Variants in THADA observed in about 807,000 individuals in gnomAD.
The protein encoded by THADA is THADA armadillo repeat containing.
In THADA, 213 loss-of-function variants were observed where a neutral mutation model predicts 219.8. The observed-to-expected ratio is 0.97, with a 90% CI of 0.87 to 1.09. The LOEUF (loss-of-function observed/expected upper bound fraction) is 1.09. Among genes scored for constraint, THADA ranks in the 50% least tolerant of loss-of-function variants. The pLI is 0.00. For synonymous variants in THADA, 1,018 were observed against 828.9 expected (o/e 1.23, Z -3.92); for missense variants, 2,956 against 2,311.3 (o/e 1.28, Z -5.72).
At chr2:43,473,796 A>G (rs1685202830) in intron 26 of THADA, among the ~76,000 whole-genome samples, 1 of 152,086 alleles carries the variant, frequency 6.6e-6, no homozygotes, top group Admixed American at 6.5e-5. Flanking sequence ...TTTAGTAGAG[A>G]CGAGGTTTCA....
chr2:43,531,877 C>A (rs1558921540), intron 21 of THADA, among the ~76,000 whole-genome samples: 1 of 151,816 alleles, frequency 6.6e-6, no homozygotes, highest in Non-Finnish European at 1.5e-5. Flanking sequence ...TTTAAAAAAA[C>A]CTCTTAGCAA....
At chr2:43,389,299 T>A (rs185565037) in intron 29 of THADA, among the ~76,000 whole-genome samples, 1 of 152,320 alleles carries the variant, frequency 6.6e-6, no homozygotes, top group East Asian at 1.9e-4. Flanking sequence ...TATATTATTC[T>A]ATTAATACAT....
intron 36 of THADA, among the ~76,000 whole-genome samples, chr2:43,273,584 T>G (rs527283660): frequency 1.3e-3 from 192 of 152,284 alleles, no homozygotes; most frequent in South Asian, 3.3e-3. Flanking sequence ...TTCTAGTGCC[T>G]GACTCTGTGA....
chr2:43,347,050 C>T (rs1667703212), intron 29 of THADA, among the ~76,000 whole-genome samples: 1 of 152,152 alleles, frequency 6.6e-6, no homozygotes, highest in Non-Finnish European at 1.5e-5. Context: ...TGAATCACGC[C>T]GTACTCCTCA....
intron 28 of THADA, among the ~76,000 whole-genome samples, chr2:43,412,080 T>C (rs1401461965): frequency 6.6e-6 from 1 of 152,158 alleles, no homozygotes; most frequent in Non-Finnish European, 1.5e-5. Flanking sequence ...CAGATGATAT[T>C]TTATGTTGGA....
At chr2:43,397,023 A>C (rs923966856) in intron 29 of THADA, among the ~76,000 whole-genome samples, 3 of 152,280 alleles carry the variant, frequency 2.0e-5, no homozygotes, top group Non-Finnish European at 4.4e-5. Context: ...AGGGTTCACA[A>C]AGTCCCTATG....
chr2:43,255,938 T>A (rs1167153269), intron 36 of THADA, among the ~76,000 whole-genome samples: 1 of 152,214 alleles, frequency 6.6e-6, no homozygotes, highest in African/African-American at 2.4e-5. Flanking sequence ...AGCTGCCTCC[T>A]TTACAGGGTC....
In THADA at chr2:43,591,985, C is replaced by A; in HGVS notation, c.138G>T (p.Thr46=). ...ASLLLHCVQL[T]DGVSQIHYIK... is the part of the protein sequence containing the mutation. The stretch of plus-strand genomic sequence containing the variant: ...TATAATGGATTTGTGACACTCCATC[C>A]GTGAGTTGCACACAATGTAACAGCA... Residue 46 remains threonine (T), a synonymous_variant, in exon 3 of 38, where the codon ACG becomes ACT. Coordinates refer to ENST00000405975, the MANE Select transcript of THADA (RefSeq NM_022065.5). The A allele has an allele frequency of 6.4e-7, 1 of 1,559,486 alleles. No homozygotes were observed.
chr2:43,243,289 C>T (rs1668801409), intron 36 of THADA, among the ~76,000 whole-genome samples: 2 of 152,160 alleles, frequency 1.3e-5, no homozygotes, highest in Non-Finnish European at 2.9e-5. Context: ...GGTACATCTG[C>T]CCGTGTCTGG....
intron 26 of THADA, among the ~76,000 whole-genome samples, chr2:43,437,198 T>C (rs1680233429): frequency 6.6e-6 from 1 of 152,222 alleles, no homozygotes; most frequent in Non-Finnish European, 1.5e-5. Context: ...TTTGCTTCAA[T>C]TCACAGGGCA....
chr2:43,506,682 C>G (rs183017189), intron 23 of THADA, among the ~76,000 whole-genome samples: 775 of 152,176 alleles, frequency 5.1e-3, no homozygotes, highest in Admixed American at 9.4e-3. Flanking sequence ...ATACTGAAAA[C>G]CACTGAATTG....
rs59802310 is a variant in THADA at position 43,238,118 on chromosome 2, C to CAAAAAAAAAAAA, written c.5297-5248_5297-5237dup. Among the ~76,000 whole-genome samples, 20 of 28,282 alleles carry CAAAAAAAAAAAA rather than the reference C, an allele frequency of 7.1e-4. 4 individuals carry two copies. The highest frequency in any genetic ancestry group is 1.4e-3 in the Admixed American group (2 of 1,392). The allele number at this position is 28,282 out of a possible 152,430, so 18.6% of individuals were successfully genotyped here. A position where few individuals can be genotyped will look rare whatever the true frequency, so the allele number is the denominator to read the frequency against. The stretch of plus-strand genomic sequence containing the variant: ...TGGATGACAGAGCAAGATTCCATCT[C>CAAAAAAAAAAAA]AAAAAAAAAAAAAAAAAAAAAAAAA... On this transcript the variant is annotated intron_variant, in intron 36 of 37. Coordinates refer to ENST00000405975, the MANE Select transcript of THADA (RefSeq NM_022065.5).
intron 1 of THADA, chr2:43,592,774 T>C (rs546171298): frequency 6.3e-6 from 1 of 159,978 alleles, no homozygotes; most frequent in East Asian, 1.8e-4. Context: ...ACAGCAAACT[T>C]TCCTTTTAGT....
At chr2:43,446,494 C>T (rs1473888616) in intron 26 of THADA, among the ~76,000 whole-genome samples, 2 of 152,218 alleles carry the variant, frequency 1.3e-5, no homozygotes, top group East Asian at 1.9e-4. Context: ...TATGCTTCTA[C>T]TTCCAGCCCC....
chr2:43,460,238 T>TAAAAAAA lies in THADA; in HGVS notation c.3836+24989_3836+24995dup, dbSNP rs10560565. ...ATCTTAGAAACAAGCTTTCTCTTAA[T>TAAAAAAA]AAAAAAAAAAAAAAAAAAAAAAAAA... On this transcript the variant is annotated intron_variant, in intron 26 of 37. Transcript: ENST00000405975. 8.2e-4 allele frequency among the ~76,000 whole-genome samples: 52 copies of TAAAAAAA among 63,544 alleles called. 1 individual carries two copies. The highest frequency in any genetic ancestry group is 2.6e-3 in the African/African-American group (44 of 17,014). 41.7% of individuals were successfully genotyped at this position (63,544 alleles called of 152,430 possible). A position where few individuals can be genotyped will look rare whatever the true frequency, so the allele number is the denominator to read the frequency against.
rs772518035 is a variant in THADA, at chr2:43,292,204, A to G, written c.4837T>C (p.Cys1613Arg). 6.2e-7 allele frequency: 1 copy of G among 1,606,326 alleles called. No homozygotes were observed. Among genetic ancestry groups the G allele is most frequent in the Non-Finnish European group, 8.5e-7 (1 of 1,177,150 alleles). Reference protein sequence around the residue: ...CFCKILKILHCMDPGEWLPQT... With the variant: ...CFCKILKILHRMDPGEWLPQT... ...GGAAGCCACTCACCAGGGTCCATGCAGTGGAGAATTTTCAGTATCTGTGTA... is the reference window on the plus strand; with the variant it reads ...GGAAGCCACTCACCAGGGTCCATGCGGTGGAGAATTTTCAGTATCTGTGTA... Residue 1613 changes from cysteine to arginine, a missense_variant, in exon 33 of 38, where the codon TGC (cysteine) becomes CGC (arginine). Physicochemically the swap from Cys to Arg is radical, Grantham distance 180. Transcript: ENST00000405975.
At chr2:43,512,599 T>G (rs1319763105) in intron 22 of THADA, among the ~76,000 whole-genome samples, 1 of 152,332 alleles carries the variant, frequency 6.6e-6, no homozygotes, top group Admixed American at 6.5e-5. Context: ...GCCTCCCAGA[T>G]TCAAGTGATT....
chr2:43,483,689 C>T (rs543637509), intron 26 of THADA, among the ~76,000 whole-genome samples: 1 of 151,816 alleles, frequency 6.6e-6, no homozygotes, highest in Non-Finnish European at 1.5e-5. Flanking sequence ...CCTATTCTTC[C>T]TCCCTCAGAT....
intron 35 of THADA, among the ~76,000 whole-genome samples, chr2:43,286,287 G>A (rs1165114397): frequency 1.3e-5 from 2 of 152,212 alleles, no homozygotes; most frequent in African/African-American, 2.4e-5. Flanking sequence ...AGGGCCTTAT[G>A]AGCCGTGCTA....
Sources: allele counts gnomAD v4.1 joint callset (sites outside exome capture counted in the v4.1 genomes callset), GRCh38; gene constraint gnomAD v4.1.1; transcripts MANE v1.5; gene names NCBI Gene and HGNC (gene_info 2026-07-23, HGNC 2026-07-21).